TRIM37: variants seen among roughly 807,000 people sequenced by gnomAD.
TRIM37 encodes the protein tripartite motif containing 37, also known as E3 ubiquitin-protein ligase TRIM37.
Under a neutral mutation model 129.8 loss-of-function variants are expected in TRIM37, and 80 were observed. The observed-to-expected ratio is 0.62, with a 90% CI of 0.51 to 0.74. The LOEUF (loss-of-function observed/expected upper bound fraction) is 0.74, where lower values mean the gene tolerates loss of function less well. Ranked by LOEUF, TRIM37 falls within the 30% of genes least tolerant of loss-of-function variation. TRIM37 has a pLI of 0.00. For missense variants in TRIM37, 1,054 were observed against 1,176.5 expected (o/e 0.90, Z 1.52); for synonymous variants, 389 against 387.1 (o/e 1.00, Z -0.06).
At chr17:58,973,408 C>A in the TRIM37 span, among the ~76,000 whole-genome samples, 1 of 130,906 alleles carries the variant, frequency 7.6e-6, no homozygotes, top group Admixed American at 7.5e-5. Context: ...CAGTGTGAGA[C>A]TGTCTCAAAA....
intron 5 of TRIM37, 33 bp from the exon 6 acceptor site, chr17:59,081,252 C>T: frequency 1.9e-6 from 3 of 1,604,744 alleles, no homozygotes; most frequent in Non-Finnish European, 2.6e-6. Flanking sequence ...AGAACACTTT[C>T]ACATATCTCA....
chr17:59,066,586 A>G (rs1246546365), intron 9 of TRIM37, among the ~76,000 whole-genome samples: 1 of 152,232 alleles, frequency 6.6e-6, no homozygotes, highest in Non-Finnish European at 1.5e-5. Flanking sequence ...ACTAACACTC[A>G]TGAACCAAGA....
chr17:59,012,496 A>G (rs2035418494), intron 21 of TRIM37, 50 bp from the exon 22 acceptor site: 1 of 1,256,252 alleles, frequency 8.0e-7, no homozygotes, highest in African/African-American at 1.5e-5. Flanking sequence ...TGACACAATA[A>G]TCTATATTTT....
At chr17:59,091,232 T>C in intron 3 of TRIM37, 68 bp downstream of exon 3, 1 of 1,245,884 alleles carries the variant, frequency 8.0e-7, no homozygotes, top group Non-Finnish European at 1.1e-6. Context: ...ACTGCCTTTA[T>C]GAATCCCAAG....
chr17:58,995,527 C>T (rs546010400), downstream of TRIM37, among the ~76,000 whole-genome samples: 21 of 151,596 alleles, frequency 1.4e-4, no homozygotes, highest in African/African-American at 5.1e-4. Context: ...TGAGTCATAA[C>T]TCAAAAATAA....
intron 22 of TRIM37, among the ~76,000 whole-genome samples, chr17:59,007,774 AT>A (rs1264435674): frequency 2.2e-4 from 34 of 152,304 alleles, no homozygotes; most frequent in African/African-American, 6.3e-4. Context: ...GAAAAAAGTT[AT>A]TTTTAAACTG....
intron 21 of TRIM37, among the ~76,000 whole-genome samples, chr17:59,014,930 G>T (rs1270219913): frequency 1.3e-5 from 2 of 150,046 alleles, no homozygotes; most frequent in Admixed American, 6.7e-5. Context: ...AAAAAAATCA[G>T]CTGGGCGTGG....
rs113400971 is a variant in TRIM37, at chr17:59,056,458, G to A, written c.1199+417C>T. Among the ~76,000 whole-genome samples the A allele has an allele frequency of 9.8e-3, 1,494 of 151,990 alleles. 29 individuals carry two copies. The highest frequency in any genetic ancestry group is 0.033 in the African/African-American group (1,376 of 41,480). The stretch of plus-strand genomic sequence containing the variant: ...AAGAAAGTGATAAGGGGCCGGGCAC[G>A]GTGGCTCACGCCTGTAATCCCAGCA... On this transcript the variant is annotated intron_variant, in intron 13 of 23. Coordinates refer to ENST00000262294, the MANE Select transcript of TRIM37 (RefSeq NM_015294.6).
At chr17:59,027,455 C>T (rs985125619) in intron 19 of TRIM37, among the ~76,000 whole-genome samples, 4 of 152,164 alleles carry the variant, frequency 2.6e-5, no homozygotes, top group African/African-American at 9.7e-5. Context: ...TCCTATGCAT[C>T]TAGAATAGAA....
At chr17:59,019,648 C>A (rs1185812223) in intron 19 of TRIM37, among the ~76,000 whole-genome samples, 2 of 151,622 alleles carry the variant, frequency 1.3e-5, no homozygotes, top group Non-Finnish European at 2.9e-5. Context: ...GCGGAGCTTG[C>A]AGTGAGCCGA....
At chr17:59,003,092 G>T (rs1013209589) in intron 22 of TRIM37, among the ~76,000 whole-genome samples, 1 of 152,118 alleles carries the variant, frequency 6.6e-6, no homozygotes, top group African/African-American at 2.4e-5. Flanking sequence ...GCCCAGACTG[G>T]TCTTCAACTC....
chr17:59,051,068 G>C, intron 14 of TRIM37, 146 bp downstream of exon 14: 1 of 621,516 alleles, frequency 1.6e-6, no homozygotes, highest in Admixed American at 2.7e-5. Flanking sequence ...GAACTGGTAA[G>C]GATGGGGAAC....
chr17:58,977,663 T>C (rs1028948366), downstream of TRIM37, among the ~76,000 whole-genome samples: 8 of 152,210 alleles, frequency 5.3e-5, no homozygotes, highest in African/African-American at 1.9e-4. Context: ...TGTGCCCACA[T>C]TGGTTCTAGC....
intron 13 of TRIM37, among the ~76,000 whole-genome samples, chr17:59,056,520 GA>G (rs1307810852): frequency 6.6e-6 from 1 of 151,650 alleles, no homozygotes; most frequent in African/African-American, 2.4e-5. Flanking sequence ...ACGAGGTCAG[GA>G]GATCGAGACC....
chr17:59,057,142 T>C (rs1599233427), intron 12 of TRIM37, 88 bp from the exon 13 acceptor site: 13 of 1,146,566 alleles, frequency 1.1e-5, no homozygotes, highest in East Asian at 7.2e-5. Context: ...CACTAAGTAA[T>C]TACCTGAGAA....
chr17:59,046,532 G>A (rs1378758412), intron 16 of TRIM37, among the ~76,000 whole-genome samples: 2 of 147,874 alleles, frequency 1.4e-5, no homozygotes, highest in Non-Finnish European at 3.0e-5. Context: ...TATTAGTCAT[G>A]AAAAACAGTT....
intron 9 of TRIM37, among the ~76,000 whole-genome samples, chr17:59,064,966 G>C (rs865963218): frequency 1.1e-4 from 17 of 151,796 alleles, no homozygotes; most frequent in African/African-American, 3.9e-4. Flanking sequence ...CACGAGAATC[G>C]CTTGAACCCC....
At chr17:59,081,961 A>ATAATAATAATAATAAT (rs1248128507) in intron 5 of TRIM37, among the ~76,000 whole-genome samples, 1 of 110,398 alleles carries the variant, frequency 9.1e-6, no homozygotes, top group African/African-American at 3.7e-5. Flanking sequence ...AATAAAAAAA[A>ATAATAATAATAATAAT]AAAAATAATA....
chr17:58,984,791 T>C (rs190487220), intron 24 of TRIM37: 32 of 152,604 alleles, frequency 2.1e-4, no homozygotes, highest in Non-Finnish European at 4.4e-5. Flanking sequence ...TTTTGAAGAC[T>C]ATTTATTGTA....
Sources: allele counts gnomAD v4.1 joint callset (sites outside exome capture counted in the v4.1 genomes callset), GRCh38; gene constraint gnomAD v4.1.1; transcripts MANE v1.5; gene names NCBI Gene and HGNC (gene_info 2026-07-23, HGNC 2026-07-21).